CNTLN: variants seen among roughly 807,000 people sequenced by gnomAD.
The protein encoded by CNTLN is centlein, centrosomal protein.
Under a neutral mutation model 180.0 loss-of-function variants are expected in CNTLN, and 212 were observed. The observed-to-expected ratio is 1.18, with a 90% CI of 1.05 to 1.32. The LOEUF (loss-of-function observed/expected upper bound fraction) is 1.32. Ranked by LOEUF, CNTLN falls within the 40% of genes most tolerant of loss-of-function variation. The pLI, the probability that CNTLN is intolerant of heterozygous loss-of-function variation, is 0.00. For synonymous variants in CNTLN, 722 were observed against 563.1 expected (o/e 1.28, Z -3.99); for missense variants, 2,095 against 1,610.9 (o/e 1.30, Z -5.14).
chr9:17,427,410 T>A (rs1248057688), intron 18 of CNTLN, among the ~76,000 whole-genome samples: 1 of 151,904 alleles, frequency 6.6e-6, no homozygotes, highest in South Asian at 2.1e-4. Flanking sequence ...TTAGATAGTT[T>A]AAAAAAAATT....
rs1031497601 is a variant in CNTLN at position 17,258,015 on chromosome 9, C to A, written c.850-15718C>A. ...CATTTGTCAATTTTGTCTTTTGTTGCCATTGCTTTTGTTGTTTCAGACATG... is the reference window on the plus strand; with the variant it reads ...CATTTGTCAATTTTGTCTTTTGTTGACATTGCTTTTGTTGTTTCAGACATG... On this transcript the variant is annotated intron_variant, in intron 5 of 25. Transcript: ENST00000380647. Among the ~76,000 whole-genome samples the A allele has an allele frequency of 2.1e-4, 32 of 150,828 alleles. 1 individual carries two copies. The highest frequency in any genetic ancestry group is 7.9e-4 in the Admixed American group (12 of 15,194).
chr9:17,512,811 A>AT, the CNTLN span, among the ~76,000 whole-genome samples: 3 of 152,006 alleles, frequency 2.0e-5, no homozygotes, highest in Admixed American at 6.6e-5. Flanking sequence ...ATAGTCTATC[A>AT]TTTTTTTGTT....
At chr9:17,268,655 C>T (rs1010110652) in intron 5 of CNTLN, among the ~76,000 whole-genome samples, 1 of 152,146 alleles carries the variant, frequency 6.6e-6, no homozygotes, top group Non-Finnish European at 1.5e-5. Flanking sequence ...CCTACAGAGG[C>T]AGGCAGGCCT....
In CNTLN at chr9:17,330,753, C is replaced by T. The variant is rs775992776; in HGVS notation, c.1463C>T (p.Ala488Val). ...GAAAAACTGTCAGAAAACATATCTG[C>T]CAACAAGGGTTTCTCCCGAAAGAGC... is the stretch of plus-strand genomic sequence containing the variant. The part of the protein sequence containing the change: ...ANEKLSENIS[A>V]NKGFSRKSIM... The change falls in exon 9 of 26, where the codon GCC becomes GTC. Residue 488 changes from alanine to valine, a missense_variant. Transcript: ENST00000380647. The T allele has an allele frequency of 1.2e-6, 2 of 1,610,612 alleles. No homozygotes were observed. The highest frequency in any genetic ancestry group is 1.7e-5 in the Admixed American group (1 of 59,628).
the CNTLN span, among the ~76,000 whole-genome samples, chr9:17,513,001 G>T: frequency 6.6e-6 from 1 of 151,948 alleles, no homozygotes; most frequent in East Asian, 1.9e-4. Context: ...TGTATTTTTA[G>T]TAGAGATGGG....
At chr9:17,408,674 G>C (rs372499412) in intron 15 of CNTLN, among the ~76,000 whole-genome samples, 1 of 152,032 alleles carries the variant, frequency 6.6e-6, no homozygotes, top group South Asian at 2.1e-4. Flanking sequence ...GGTGATGGGC[G>C]CCTGTAGTCC....
At chr9:17,459,187 C>T (rs935315171) in intron 19 of CNTLN, among the ~76,000 whole-genome samples, 1 of 151,760 alleles carries the variant, frequency 6.6e-6, no homozygotes, top group African/African-American at 2.4e-5. Context: ...TTTACATAAA[C>T]AGTTTTTAGT....
chr9:17,357,876 A>G (rs1278670658), intron 12 of CNTLN, among the ~76,000 whole-genome samples: 1 of 151,818 alleles, frequency 6.6e-6, no homozygotes, highest in African/African-American at 2.4e-5. Flanking sequence ...AACTGATACA[A>G]AGGGTTTGTT....
At chr9:17,526,205 G>A in the CNTLN span, among the ~76,000 whole-genome samples, 1 of 152,148 alleles carries the variant, frequency 6.6e-6, no homozygotes, top group East Asian at 1.9e-4. Context: ...AAAGTGCTGG[G>A]ATTACAGGCG....
intron 18 of CNTLN, among the ~76,000 whole-genome samples, chr9:17,457,107 A>T (rs781509587): frequency 9.9e-5 from 15 of 152,128 alleles, no homozygotes; most frequent in Admixed American, 9.8e-4. Context: ...GCTATATAGG[A>T]TGGTAAGACC....
chr9:17,213,726 G>T (rs1823508821), intron 2 of CNTLN, among the ~76,000 whole-genome samples: 1 of 152,150 alleles, frequency 6.6e-6, no homozygotes, highest in Admixed American at 6.5e-5. Flanking sequence ...CTTGCTTTAT[G>T]AATCTGGGTG....
chr9:17,151,234 A>G (rs1325803056), intron 2 of CNTLN, among the ~76,000 whole-genome samples: 6 of 152,104 alleles, frequency 3.9e-5, no homozygotes, highest in Admixed American at 2.0e-4. Context: ...TGGTTTTCGA[A>G]GGGAATGCTT....
At chr9:17,317,429 A>G (rs889970601) in intron 8 of CNTLN, among the ~76,000 whole-genome samples, 1 of 152,172 alleles carries the variant, frequency 6.6e-6, no homozygotes, top group Non-Finnish European at 1.5e-5. Context: ...ATCTAAATAT[A>G]TATTCCACAA....
intron 5 of CNTLN, among the ~76,000 whole-genome samples, chr9:17,266,233 C>A (rs1010538660): frequency 1.3e-5 from 2 of 152,052 alleles, no homozygotes; most frequent in Non-Finnish European, 2.9e-5. Context: ...TTCTGGTATG[C>A]TGTGTCTTTG....
intron 2 of CNTLN, among the ~76,000 whole-genome samples, chr9:17,183,638 TC>T (rs756128063): frequency 9.8e-4 from 149 of 152,212 alleles, no homozygotes; most frequent in Non-Finnish European, 1.3e-3. Context: ...CCTATTCCTT[TC>T]AATGCCTTTG....
rs529512877 is a variant in CNTLN, at chr9:17,363,102, A to G, written c.1887-3515A>G. Among the ~76,000 whole-genome samples the G allele has an allele frequency of 3.3e-5, 5 of 152,182 alleles. No homozygotes were observed. In the South Asian group the frequency reaches 6.2e-4, roughly 19 times the overall value. On this transcript the variant is annotated intron_variant, in intron 12 of 25. Coordinates refer to ENST00000380647, the MANE Select transcript of CNTLN (RefSeq NM_017738.4). ...ATGGCTGCATAGTATTCCATGGTGTATATGTGCCACATGTTCTTTATCCAG... is the reference window on the plus strand; with the variant it reads ...ATGGCTGCATAGTATTCCATGGTGTGTATGTGCCACATGTTCTTTATCCAG...
intron 10 of CNTLN, among the ~76,000 whole-genome samples, chr9:17,336,217 A>G (rs1037125605): frequency 6.6e-6 from 1 of 152,228 alleles, no homozygotes; most frequent in Non-Finnish European, 1.5e-5. Flanking sequence ...AGTTTGGATC[A>G]TAATCCAAAC....
chr9:17,257,860 G>T (rs998431034), intron 5 of CNTLN, among the ~76,000 whole-genome samples: 95 of 144,432 alleles, frequency 6.6e-4, no homozygotes, highest in Non-Finnish European at 8.2e-4. Context: ...TGAGTTCATT[G>T]TAGATTCTGG....
intron 2 of CNTLN, among the ~76,000 whole-genome samples, chr9:17,155,372 C>T (rs944987629): frequency 1.3e-5 from 2 of 152,134 alleles, no homozygotes; most frequent in African/African-American, 2.4e-5. Context: ...CTGGGAGGTC[C>T]GCTGCTCTCT....
Sources: gnomAD v4.1 joint callset for allele counts (sites outside exome capture counted in the v4.1 genomes callset) on GRCh38, gnomAD v4.1.1 for gene constraint, MANE v1.5 for transcripts, NCBI Gene and HGNC (gene_info 2026-07-23, HGNC 2026-07-21) for gene names.